Variants in GPNMB observed in about 807,000 individuals in gnomAD.
GPNMB encodes transmembrane glycoprotein NMB.
A neutral mutation model predicts 57.3 loss-of-function variants in GPNMB; 71 were observed. The ratio of observed to expected loss-of-function variants is 1.24; its 90% CI spans 1.02 to 1.51. The LOEUF is 1.51. Ranked by LOEUF, GPNMB falls within the 40% of genes most tolerant of loss-of-function variation. The pLI is 0.00. For missense variants in GPNMB, 677 were observed against 691.9 expected (o/e 0.98, Z 0.24); for synonymous variants, 253 against 263.2 (o/e 0.96, Z 0.38).
chr7:23,267,800 A>G (rs2128484676), intron 7 of GPNMB, 86 bp from the exon 8 acceptor site: 1 of 944,932 alleles, frequency 1.1e-6, no homozygotes, highest in South Asian at 1.4e-5. Flanking sequence ...GGACACAAAC[A>G]TTCAATCTAT....
At chr7:23,262,516 C>T (rs922512640) in intron 6 of GPNMB, among the ~76,000 whole-genome samples, 7 of 151,446 alleles carry the variant, frequency 4.6e-5, no homozygotes, top group Non-Finnish European at 8.8e-5. Flanking sequence ...AGACATCTTT[C>T]CACTGTTAAT....
chr7:23,254,387 G>A, intron 3 of GPNMB, 75 bp downstream of exon 3: 7 of 1,213,972 alleles, frequency 5.8e-6, no homozygotes, highest in Non-Finnish European at 8.3e-6. Context: ...GCTTCTGTAA[G>A]TGCCAGATGC....
chr7:23,273,646 T>A, intron 10 of GPNMB, 32 bp downstream of exon 10: 2 of 1,253,490 alleles, frequency 1.6e-6, no homozygotes, highest in Non-Finnish European at 2.3e-6. Context: ...TTTATATCAC[T>A]ATAGTGTATT....
rs187350308 is a variant in GPNMB, at chr7:23,261,368, C to T, written c.1018+595C>T. 1.1e-3 allele frequency among the ~76,000 whole-genome samples: 163 copies of T among 152,282 alleles called. 2 individuals are homozygous for T. The Middle Eastern group carries it at 0.017, about 16-fold the overall frequency. The stretch of plus-strand genomic sequence containing the variant: ...GCGGCACTATTCACAATAGCAAAGA[C>T]TTGGAATGAACCCAAATGTCCATCA... On this transcript the variant is annotated intron_variant, in intron 6 of 10. Coordinates refer to ENST00000258733, the MANE Select transcript of GPNMB (RefSeq NM_002510.3).
At chr7:23,256,813 G>T (rs1253846517) in intron 3 of GPNMB, 79 bp from the exon 4 acceptor site, 5 of 1,151,138 alleles carry the variant, frequency 4.3e-6, no homozygotes, top group Non-Finnish European at 5.1e-6. Context: ...ATACGAAAAA[G>T]TGTTTAATTC....
chr7:23,264,780 G>A (rs538865011), intron 6 of GPNMB, among the ~76,000 whole-genome samples: 17 of 152,302 alleles, frequency 1.1e-4, no homozygotes, highest in Admixed American at 3.3e-4. Flanking sequence ...TAGCACTAAA[G>A]TATATGCAGA....
At chr7:23,257,497 T>C (rs2128482172) in intron 4 of GPNMB, 1 of 219,068 alleles carries the variant, frequency 4.6e-6, no homozygotes, top group Non-Finnish European at 9.1e-6. Context: ...CATGGTGAAG[T>C]CCCGTCCCTA....
In GPNMB at chr7:23,256,947, C is replaced by G. The variant is rs747926273; in HGVS notation, c.423C>G (p.Asp141Glu). ...ACAACTGGACAGCATGGTCAGAGGA[C>G]AGTGACGGGGAAAATGGCACCGGCC... ...YVYNWTAWSE[D>E]SDGENGTGQS... The change falls in exon 4 of 11, where the codon GAC (aspartate) becomes GAG (glutamate). Residue 141 changes from aspartate to glutamate, a missense_variant. Physicochemically the swap from Asp to Glu is conservative, Grantham distance 45 (BLOSUM62 2). Coordinates refer to ENST00000258733, the MANE Select transcript of GPNMB (RefSeq NM_002510.3). The G allele has an allele frequency of 6.2e-7, 1 of 1,614,176 alleles. No individual in the cohort carries two copies. Among genetic ancestry groups the G allele is most frequent in the Non-Finnish European group, 8.5e-7 (1 of 1,179,984 alleles).
At chr7:23,272,411 C>T (rs983828174) in intron 9 of GPNMB, among the ~76,000 whole-genome samples, 3 of 151,994 alleles carry the variant, frequency 2.0e-5, no homozygotes, top group African/African-American at 7.3e-5. Context: ...GGGAGGATCC[C>T]TTGAGCCCAG....
At chr7:23,261,451 A>T (rs1782920470) in intron 6 of GPNMB, among the ~76,000 whole-genome samples, 1 of 152,256 alleles carries the variant, frequency 6.6e-6, no homozygotes, top group Non-Finnish European at 1.5e-5. Context: ...CTATGCAGTC[A>T]TAAAAAAGGA....
At chr7:23,250,867 A>G (rs1782645097) in intron 1 of GPNMB, 1 of 152,208 alleles carries the variant, frequency 6.6e-6, no homozygotes, top group African/African-American at 2.4e-5. Flanking sequence ...CCCTAGGTGA[A>G]TCATATCATT....
chr7:23,254,294 G>C lies in GPNMB; in HGVS notation c.349G>C (p.Glu117Gln). 1 of 1,613,346 alleles carries C rather than the reference G, an allele frequency of 6.2e-7. No homozygotes were observed. The highest frequency in any genetic ancestry group is 8.5e-7 in the Non-Finnish European group (1 of 1,179,322). Reference sequence around the variant, plus strand: ...AGATGCCAATGGCAACATAGTCTATGAGAAGAACTGCAGAAATGGTAAGAA... The same window carrying C: ...AGATGCCAATGGCAACATAGTCTATCAGAAGAACTGCAGAAATGGTAAGAA... ...KEDANGNIVY[E>Q]KNCRNEAGLS... Residue 117 changes from glutamate (E) to glutamine (Q), a missense_variant, in exon 3 of 11, where the codon GAG becomes CAG. Physicochemically the swap from Glu to Gln is conservative, Grantham distance 29. Transcript: ENST00000258733.
rs572115065 is a variant in GPNMB, at chr7:23,264,921, G to A, written c.1019-1596G>A. On this transcript the variant is annotated intron_variant, in intron 6 of 10. Coordinates refer to ENST00000258733, the MANE Select transcript of GPNMB (RefSeq NM_002510.3). Reference sequence around the variant, plus strand: ...TTTCTGGAGAAGAGCTACTGAACTCGAATGGCCTGCACAAACAATCCTATT... The same window carrying A: ...TTTCTGGAGAAGAGCTACTGAACTCAAATGGCCTGCACAAACAATCCTATT... Among the ~76,000 whole-genome samples the A allele has an allele frequency of 2.2e-3, 328 of 152,220 alleles. 1 individual carries two copies. Among genetic ancestry groups the A allele is most frequent in the Non-Finnish European group, 3.0e-3 (206 of 68,020 alleles).
chr7:23,267,015 C>T (rs561896864), intron 7 of GPNMB, among the ~76,000 whole-genome samples: 1 of 152,208 alleles, frequency 6.6e-6, no homozygotes, highest in South Asian at 2.1e-4. Context: ...AAAGAGCAGG[C>T]CACCACACAT....
intron 6 of GPNMB, among the ~76,000 whole-genome samples, chr7:23,263,776 G>A (rs772628184): frequency 2.6e-5 from 4 of 152,050 alleles, no homozygotes; most frequent in Non-Finnish European, 4.4e-5. Context: ...GAGGAGGGAC[G>A]TTTCTAAAAG....
intron 9 of GPNMB, among the ~76,000 whole-genome samples, chr7:23,271,359 C>T (rs1330727179): frequency 3.9e-5 from 6 of 152,232 alleles, no homozygotes; most frequent in Non-Finnish European, 7.3e-5. Context: ...GCACTTACTT[C>T]ACTCCTTAAT....
In GPNMB at chr7:23,270,153, C is replaced by T. The variant is rs1411847432; in HGVS notation, c.1407C>T (p.Thr469=). Residue 469 remains threonine, a synonymous_variant, in exon 9 of 11, where the codon ACC becomes ACT. Coordinates refer to ENST00000258733, the MANE Select transcript of GPNMB (RefSeq NM_002510.3). ...ACACAAGCCTGGCTCTCACGAGCAC[C>T]CTGATTTCTGTTCCTGACAGAGGTG... is the stretch of plus-strand genomic sequence containing the variant. ...GDDTSLALTS[T]LISVPDRDPA... is the part of the protein sequence containing the mutation. 2 of 1,613,972 alleles carry T rather than the reference C, an allele frequency of 1.2e-6. No individual in the cohort carries two copies. The highest frequency in any genetic ancestry group is 3.3e-5 in the Admixed American group (2 of 60,018).
At chr7:23,268,408 G>A (rs940679155) in intron 8 of GPNMB, among the ~76,000 whole-genome samples, 7 of 152,130 alleles carry the variant, frequency 4.6e-5, no homozygotes, top group African/African-American at 1.7e-4. Context: ...TCACAGGAGT[G>A]CTCTTAAGCT....
intron 10 of GPNMB, 82 bp from the exon 11 acceptor site, chr7:23,273,983 C>T: frequency 9.5e-7 from 1 of 1,051,010 alleles, no homozygotes; most frequent in South Asian, 1.5e-5. Context: ...TCCTTTTATA[C>T]CTGGCATGAA....
Sources: gnomAD v4.1 joint callset for allele counts (sites outside exome capture counted in the v4.1 genomes callset) on GRCh38, gnomAD v4.1.1 for gene constraint, MANE v1.5 for transcripts, NCBI Gene and HGNC (gene_info 2026-07-23, HGNC 2026-07-21) for gene names.